SDK1: variants seen among roughly 807,000 people sequenced by gnomAD.
The protein encoded by SDK1 is protein sidekick-1.
SDK1 carries 157 observed loss-of-function variants against 245.5 expected under a neutral mutation model. That is an observed-to-expected ratio of 0.64 (90% CI 0.56 to 0.73). The LOEUF is 0.73. Ranked by LOEUF, SDK1 falls within the 30% of genes least tolerant of loss-of-function variation. The probability of loss-of-function intolerance (pLI) is 0.00; values close to 1 mark genes in which losing one functional copy is unlikely to be tolerated. For missense variants in SDK1, 3,583 were observed against 3,002.3 expected, an observed-to-expected ratio of 1.19 and a Z score of -4.52; for synonymous variants, 1,647 against 1,278.5, an observed-to-expected ratio of 1.29 and a Z score of -6.15.
intron 4 of SDK1, among the ~76,000 whole-genome samples, chr7:3,722,612 A>G (rs1024458637): frequency 6.6e-6 from 1 of 152,154 alleles, no homozygotes; most frequent in Non-Finnish European, 1.5e-5. Flanking sequence ...ACGCTGCACA[A>G]TTCCGGACAC....
intron 19 of SDK1, among the ~76,000 whole-genome samples, chr7:4,056,719 C>T (rs1779226236): frequency 6.6e-6 from 1 of 152,102 alleles, no homozygotes; most frequent in African/African-American, 2.4e-5. Flanking sequence ...AGAGAGGGAG[C>T]CCACGCTGCA....
chr7:3,968,940 A>C (rs1471481274), intron 10 of SDK1, among the ~76,000 whole-genome samples: 1 of 152,192 alleles, frequency 6.6e-6, no homozygotes, highest in Non-Finnish European at 1.5e-5. Flanking sequence ...ATCATGGTGG[A>C]AGGTGAAGAG....
chr7:3,935,448 G>A (rs532992604), intron 5 of SDK1, among the ~76,000 whole-genome samples: 16 of 152,150 alleles, frequency 1.1e-4, no homozygotes, highest in Non-Finnish European at 1.9e-4. Context: ...GGCAACCTGT[G>A]GAATGGGAGG....
chr7:3,967,075 G>A (rs565981091), intron 9 of SDK1, among the ~76,000 whole-genome samples: 6 of 152,254 alleles, frequency 3.9e-5, no homozygotes, highest in East Asian at 1.9e-4. Context: ...GCCCCTGCAC[G>A]TTTCCACTTG....
chr7:4,201,756 G>T (rs557997653), intron 35 of SDK1, among the ~76,000 whole-genome samples: 2 of 152,156 alleles, frequency 1.3e-5, no homozygotes, highest in African/African-American at 2.4e-5. Context: ...GACTGGCATG[G>T]CACAGGGTGG....
At chr7:3,880,211 G>A (rs191157007) in intron 5 of SDK1, among the ~76,000 whole-genome samples, 10 of 152,304 alleles carry the variant, frequency 6.6e-5, no homozygotes, top group Middle Eastern at 3.4e-3. Context: ...GGCCAGGTGG[G>A]CCTTCATTGC....
At chr7:3,403,880 T>TTATATATATATTTTATATATATATA (rs1562466300) in intron 1 of SDK1, among the ~76,000 whole-genome samples, 7 of 119,804 alleles carry the variant, frequency 5.8e-5, no homozygotes, top group Non-Finnish European at 1.2e-4. Context: ...ATATATATAT[T>TTATATATATATTTTATATATATATA]TATTTATATT....
chr7:3,692,979 C>G (rs1173654636), intron 4 of SDK1, among the ~76,000 whole-genome samples: 1 of 151,666 alleles, frequency 6.6e-6, no homozygotes, highest in Admixed American at 6.6e-5. Flanking sequence ...ACGTGTGTAC[C>G]TGTAATATTT....
At chr7:3,414,443 C>T (rs990039730) in intron 1 of SDK1, among the ~76,000 whole-genome samples, 3 of 151,920 alleles carry the variant, frequency 2.0e-5, no homozygotes, top group African/African-American at 7.3e-5. Context: ...GGGTAGTGTC[C>T]GAAAATCTGG....
rs754289234 is a variant in SDK1 at position 3,501,312 on chromosome 7, A to G, written c.299-117768A>G. On this transcript the variant is annotated intron_variant, in intron 1 of 44. Transcript: ENST00000404826. ...TGCTTGGCTATTAACTGTTTTTACT[A>G]TTCTTCCCTCTGTTTTCTCCAACTT... Among the ~76,000 whole-genome samples, 8 of 151,802 alleles carry G rather than the reference A, an allele frequency of 5.3e-5. No individual in the cohort carries two copies. In the East Asian group the frequency reaches 7.7e-4, roughly 15 times the overall value.
chr7:3,338,515 C>A, intron 1 of SDK1: 1 of 447,778 alleles, frequency 2.2e-6, no homozygotes, highest in Non-Finnish European at 4.3e-6. Flanking sequence ...GAAGAGCCAG[C>A]CTGTTCCCAG....
At chr7:3,899,639 C>T (rs1781715351) in intron 5 of SDK1, among the ~76,000 whole-genome samples, 1 of 152,214 alleles carries the variant, frequency 6.6e-6, no homozygotes, top group Non-Finnish European at 1.5e-5. Context: ...CAGGCCTGCT[C>T]AGCCAGGTCC....
chr7:3,968,216 C>G (rs1486272182), intron 10 of SDK1, among the ~76,000 whole-genome samples: 1 of 152,172 alleles, frequency 6.6e-6, no homozygotes, highest in African/African-American at 2.4e-5. Flanking sequence ...CTTCTGCAGT[C>G]AACCTGGGAC....
In SDK1 at chr7:4,031,191, A is replaced by T. The variant is rs564723458; in HGVS notation, c.2602+13839A>T. 5.0e-4 allele frequency among the ~76,000 whole-genome samples: 76 copies of T among 152,378 alleles called. 2 individuals are homozygous for T. The South Asian group carries it at 0.014, about 29-fold the overall frequency. Reference sequence around the variant, plus strand: ...TATGTTCTTGTACATGTATATATACACGTACATCTGTACATCCTCACACAT... The same window carrying T: ...TATGTTCTTGTACATGTATATATACTCGTACATCTGTACATCCTCACACAT... On this transcript the variant is annotated intron_variant, in intron 17 of 44. Transcript: ENST00000404826.
At chr7:4,208,355 C>G in intron 37 of SDK1, 70 bp downstream of exon 37, 1 of 1,436,272 alleles carries the variant, frequency 7.0e-7, no homozygotes, top group South Asian at 1.2e-5. Flanking sequence ...CAGCTCAGGT[C>G]CCCTCACACA....
At chr7:3,868,150 G>A (rs1023326869) in intron 5 of SDK1, among the ~76,000 whole-genome samples, 2 of 152,226 alleles carry the variant, frequency 1.3e-5, no homozygotes, top group Non-Finnish European at 2.9e-5. Context: ...TCATAGGTCA[G>A]CCTTACAAAT....
intron 5 of SDK1, among the ~76,000 whole-genome samples, chr7:3,822,895 C>G (rs1356592738): frequency 1.3e-5 from 2 of 152,110 alleles, no homozygotes; most frequent in East Asian, 3.9e-4. Flanking sequence ...GTAGCAAACT[C>G]TGGGTGCAGG....
intron 22 of SDK1, among the ~76,000 whole-genome samples, chr7:4,095,212 C>T (rs1327767606): frequency 2.2e-5 from 3 of 138,428 alleles, no homozygotes; most frequent in Non-Finnish European, 4.7e-5. Context: ...TTCCTCAGCT[C>T]CCCCACATCT....
intron 4 of SDK1, among the ~76,000 whole-genome samples, chr7:3,791,988 TGTA>T (rs1482659570): frequency 6.6e-6 from 1 of 151,756 alleles, no homozygotes; most frequent in Non-Finnish European, 1.5e-5. Flanking sequence ...ATTAGCCAGA[TGTA>T]GTGGTTCATG....
Sources: gnomAD v4.1 joint callset for allele counts (sites outside exome capture counted in the v4.1 genomes callset) on GRCh38, gnomAD v4.1.1 for gene constraint, MANE v1.5 for transcripts, NCBI Gene and HGNC (gene_info 2026-07-23, HGNC 2026-07-21) for gene names.